Variants in MINDY2 observed in about 807,000 individuals in gnomAD.
MINDY2 encodes the protein MINDY lysine 48 deubiquitinase 2.
MINDY2 carries 52 observed loss-of-function variants against 68.2 expected under a neutral mutation model. That is an observed-to-expected ratio of 0.76 (90% CI 0.61 to 0.96). The LOEUF is 0.96. Ranked by LOEUF, MINDY2 falls within the 40% of genes least tolerant of loss-of-function variation. MINDY2 has a pLI of 0.00. For synonymous variants in MINDY2, 372 were observed against 303.0 expected (o/e 1.23, Z -2.36); for missense variants, 881 against 773.4 (o/e 1.14, Z -1.65).
intron 5 of MINDY2, among the ~76,000 whole-genome samples, chr15:58,824,441 C>A (rs1244979146): frequency 6.6e-6 from 1 of 152,122 alleles, no homozygotes; most frequent in African/African-American, 2.4e-5. Flanking sequence ...TGATGAAATT[C>A]TACATACCAT....
At chr15:58,782,670 A>G (rs1258324299) in intron 1 of MINDY2, among the ~76,000 whole-genome samples, 2 of 152,156 alleles carry the variant, frequency 1.3e-5, no homozygotes, top group Non-Finnish European at 2.9e-5. Context: ...TGTTCTTAAA[A>G]AAGTCTGTGA....
At position 58,771,561 on chromosome 15, in the gene MINDY2, G is replaced by A. The variant is rs368390369; in HGVS notation, c.166G>A (p.Ala56Thr). ...GACCAGCGGCGGGAATGGGCTGGGG[G>A]CGGCGGCCGCCAGGAGGAGCCTCCC... Reference protein sequence around the residue: ...AETSGGNGLGAAAARRSLPDS... With the variant: ...AETSGGNGLGTAAARRSLPDS... Residue 56 changes from alanine (A) to threonine (T), a missense_variant, in exon 1 of 9, where the codon GCG becomes ACG. By Grantham distance (58) the Ala-to-Thr change is moderately conservative. Coordinates refer to ENST00000559228, the MANE Select transcript of MINDY2 (RefSeq NM_001040450.3). The A allele has an allele frequency of 5.1e-5, 82 of 1,611,230 alleles. No individual in the cohort carries two copies. The East Asian group carries it at 1.3e-3, about 26-fold the overall frequency.
At chr15:58,777,712 T>C (rs1227078986) in intron 1 of MINDY2, among the ~76,000 whole-genome samples, 1 of 152,208 alleles carries the variant, frequency 6.6e-6, no homozygotes, top group Non-Finnish European at 1.5e-5. Context: ...TTATTACATT[T>C]AATTCGAGCT....
intron 4 of MINDY2, 112 bp from the exon 5 acceptor site, chr15:58,821,605 A>G (rs2031064856): frequency 2.1e-6 from 1 of 478,786 alleles, no homozygotes; most frequent in Non-Finnish European, 3.2e-6. Context: ...TTCGTAAATA[A>G]TAGTTTTATA....
In MINDY2 at chr15:58,854,778, A is replaced by G; in HGVS notation, c.*168A>G. ...AGTTACAATCAGACTTTTTCAAGTC[A>G]CACAATACACTCTTTATGAGCTGGA... is the stretch of plus-strand genomic sequence containing the variant. On this transcript the variant is annotated 3_prime_UTR_variant, in exon 9 of 9. Coordinates refer to ENST00000559228, the MANE Select transcript of MINDY2 (RefSeq NM_001040450.3). 1.7e-6 allele frequency: 1 copy of G among 604,324 alleles called. No homozygotes were observed. The highest frequency in any genetic ancestry group is 5.2e-4 in the Middle Eastern group (1 of 1,916). The allele number at this position is 604,324 out of a possible 1,614,324, so 37.4% of individuals were successfully genotyped here.
Position 58,805,271 on chromosome 15 carries a change from T to C in MINDY2, c.963+2894T>C, listed in dbSNP as rs115371007. Among the ~76,000 whole-genome samples the C allele has an allele frequency of 4.0e-3, 602 of 152,342 alleles. 4 individuals are homozygous for C. Among genetic ancestry groups the C allele is most frequent in the African/African-American group, 0.014 (591 of 41,582 alleles). On this transcript the variant is annotated intron_variant, in intron 3 of 8. Transcript: ENST00000559228. ...GCTGGGCTGAGTCTAAGCTAATGTG[T>C]AATGTTCCACAAGTGTGATGTAATA... is the stretch of plus-strand genomic sequence containing the variant.
At chr15:58,795,665 A>G (rs1465788504) in intron 2 of MINDY2, among the ~76,000 whole-genome samples, 5 of 152,094 alleles carry the variant, frequency 3.3e-5, no homozygotes, top group Non-Finnish European at 7.4e-5. Flanking sequence ...CGGCCTCCCA[A>G]AGTGCCGGGA....
chr15:58,820,306 T>C (rs907292728), intron 4 of MINDY2, among the ~76,000 whole-genome samples: 3 of 151,694 alleles, frequency 2.0e-5, no homozygotes, highest in African/African-American at 7.3e-5. Flanking sequence ...TAGTCAGGTG[T>C]GGTGGCGGGC....
chr15:58,815,143 A>G (rs542367824), intron 4 of MINDY2: 6 of 152,300 alleles, frequency 3.9e-5, no homozygotes, highest in African/African-American at 1.4e-4. Flanking sequence ...GAAAGGGCCC[A>G]ACTTTATTCA....
At chr15:58,778,809 T>C (rs1451026249) in intron 1 of MINDY2, among the ~76,000 whole-genome samples, 39 of 128,248 alleles carry the variant, frequency 3.0e-4, no homozygotes, top group African/African-American at 1.2e-3. Flanking sequence ...TTTCTTTTTT[T>C]CTTTTTTTTT....
At chr15:58,824,256 C>A (rs1204907032) in intron 5 of MINDY2, among the ~76,000 whole-genome samples, 1 of 152,098 alleles carries the variant, frequency 6.6e-6, no homozygotes, top group African/African-American at 2.4e-5. Flanking sequence ...ATTATTATTT[C>A]TCTGACATTG....
intron 6 of MINDY2, among the ~76,000 whole-genome samples, chr15:58,836,281 C>A (rs1431723222): frequency 6.6e-6 from 1 of 151,602 alleles, no homozygotes; most frequent in African/African-American, 2.4e-5. Flanking sequence ...ACTCCATCAC[C>A]CAGGATGGAG....
At position 58,854,497 on chromosome 15, in the gene MINDY2, C is replaced by T. The variant is rs776364356; in HGVS notation, c.1753C>T (p.Gln585Ter). ...STQAQQGQPA[Q>*]ASPSSGRQSG... ...TTTCTTAAAGCAGGGCCAGCCAGCA[C>T]AAGCCTCTCCATCAAGTGGAAGACA... Residue 585 changes from glutamine to a stop codon, truncating the protein, a stop_gained, in exon 9 of 9, where the codon CAA becomes TAA. Coordinates refer to ENST00000559228, the MANE Select transcript of MINDY2 (RefSeq NM_001040450.3). LOFTEE classifies it high-confidence loss of function. 1 of 1,613,340 alleles carries T rather than the reference C, an allele frequency of 6.2e-7. No individual in the cohort carries two copies. Among genetic ancestry groups the T allele is most frequent in the South Asian group, 1.1e-5 (1 of 90,928 alleles).
chr15:58,804,554 T>G (rs1902889844), intron 3 of MINDY2, among the ~76,000 whole-genome samples: 1 of 152,172 alleles, frequency 6.6e-6, no homozygotes, highest in Non-Finnish European at 1.5e-5. Context: ...ATGCCTGTAA[T>G]CCCAGCACTT....
Position 58,771,313 on chromosome 15 carries a change from C to T in MINDY2, c.-83C>T. ...GGCCGCGCCAGGGCGCTGTTGCTGCCAATACAGCTGTCATGGCGTCCAAGG... is the reference window on the plus strand; with the variant it reads ...GGCCGCGCCAGGGCGCTGTTGCTGCTAATACAGCTGTCATGGCGTCCAAGG... On this transcript the variant is annotated 5_prime_UTR_variant, in exon 1 of 9. Coordinates refer to ENST00000559228, the MANE Select transcript of MINDY2 (RefSeq NM_001040450.3). 1 of 1,528,190 alleles carries T rather than the reference C, an allele frequency of 6.5e-7. No homozygotes were observed. The highest frequency in any genetic ancestry group is 8.8e-7 in the Non-Finnish European group (1 of 1,141,072). The allele number at this position is 1,528,190 out of a possible 1,614,324, so 94.7% of individuals were successfully genotyped here. A position where few individuals can be genotyped will look rare whatever the true frequency, so the allele number is the denominator to read the frequency against.
At chr15:58,822,128 C>T (rs1206781870) in intron 5 of MINDY2, among the ~76,000 whole-genome samples, 4 of 152,094 alleles carry the variant, frequency 2.6e-5, no homozygotes, top group Admixed American at 6.6e-5. Flanking sequence ...GTGTTGCATG[C>T]CTGTAATCCC....
At chr15:58,845,452 T>C (rs2032485294) in intron 6 of MINDY2, among the ~76,000 whole-genome samples, 1 of 152,174 alleles carries the variant, frequency 6.6e-6, no homozygotes, top group Non-Finnish European at 1.5e-5. Context: ...GAAAAGGTGC[T>C]GAACATCACT....
At position 58,858,045 on chromosome 15, in the gene MINDY2, A is replaced by G. The variant is rs965511187; in HGVS notation, c.*3435A>G. On this transcript the variant is annotated 3_prime_UTR_variant, in exon 9 of 9. Transcript: ENST00000559228. ...TTTCATGACCTCTGTTAGATTCTCA[A>G]AAGAATTCAGAACTTCAATTTAAGA... 6.6e-6 allele frequency: 1 copy of G among 152,206 alleles called. No individual in the cohort carries two copies. Among genetic ancestry groups the G allele is most frequent in the African/African-American group, 2.4e-5 (1 of 41,442 alleles). 9.4% of individuals were successfully genotyped at this position (152,206 alleles called of 1,614,324 possible).
At chr15:58,823,520 AT>A (rs1459001680) in intron 5 of MINDY2, among the ~76,000 whole-genome samples, 1 of 151,880 alleles carries the variant, frequency 6.6e-6, no homozygotes, top group African/African-American at 2.4e-5. Context: ...AAAAATAAAA[AT>A]AAAAAATTAG....
Sources: gnomAD v4.1 joint callset for allele counts (sites outside exome capture counted in the v4.1 genomes callset) on GRCh38, gnomAD v4.1.1 for gene constraint, MANE v1.5 for transcripts, NCBI Gene and HGNC (gene_info 2026-07-23, HGNC 2026-07-21) for gene names.